GTF2IRD1: variants seen among roughly 807,000 people sequenced by gnomAD.
GTF2IRD1 encodes general transcription factor II-I repeat domain-containing protein 1.
In GTF2IRD1, 26 loss-of-function variants were observed where a neutral mutation model predicts 113.2. The ratio of observed to expected loss-of-function variants is 0.23; its 90% CI spans 0.17 to 0.32. The LOEUF is 0.32. Among genes scored for constraint, GTF2IRD1 ranks in the 10% least tolerant of loss-of-function variants. The probability of loss-of-function intolerance (pLI) is 1.00; values close to 1 mark genes in which losing one functional copy is unlikely to be tolerated. For missense variants in GTF2IRD1, 864 were observed against 1,280.8 expected, an observed-to-expected ratio of 0.67 and a Z score of 4.97; for synonymous variants, 484 against 529.1, an observed-to-expected ratio of 0.91 and a Z score of 1.17.
intron 1 of GTF2IRD1, among the ~76,000 whole-genome samples, chr7:74,461,640 G>A (rs1316070303): frequency 2.6e-5 from 4 of 152,014 alleles, no homozygotes; most frequent in East Asian, 1.9e-4. Context: ...GTGCAGTGGC[G>A]CGATCTCGGC....
chr7:74,568,923 GGGA>G (rs1457911043), intron 22 of GTF2IRD1, among the ~76,000 whole-genome samples: 3 of 152,156 alleles, frequency 2.0e-5, no homozygotes, highest in Admixed American at 1.3e-4. Context: ...ACTGGCCAGA[GGGA>G]GGAGAAGAGG....
intron 17 of GTF2IRD1, among the ~76,000 whole-genome samples, chr7:74,548,358 C>A (rs1799085803): frequency 6.6e-6 from 1 of 150,908 alleles, no homozygotes; most frequent in African/African-American, 2.4e-5. Context: ...GGAGGTGGAG[C>A]TTGCAGTGAG....
In GTF2IRD1 at chr7:74,512,299, C is replaced by G. The variant is rs572153086; in HGVS notation, c.124-531C>G. 6.6e-6 allele frequency among the ~76,000 whole-genome samples: 1 copy of G among 152,292 alleles called. No homozygotes were observed. Among genetic ancestry groups the G allele is most frequent in the South Asian group, 2.1e-4 (1 of 4,824 alleles). On this transcript the variant is annotated intron_variant, in intron 2 of 26. Coordinates refer to ENST00000424337, the MANE Select transcript of GTF2IRD1 (RefSeq NM_005685.4). This position sits in a 1 kb window ranked among gnomAD's most constrained non-coding sequence, Gnocchi z 4.4. ...CCTGGGAGGCAGAGGTTGCAGTGAACCAAGATTGTGCCACTGCACTCCAGC... is the reference window on the plus strand; with the variant it reads ...CCTGGGAGGCAGAGGTTGCAGTGAAGCAAGATTGTGCCACTGCACTCCAGC...
chr7:74,548,922 C>A lies in GTF2IRD1; in HGVS notation c.1916+1636C>A, dbSNP rs141479016. ...GACTCTTCCTCAAAAACAAAAAAAACCAGGGAATGGGAGGATCATATTTCC... is the reference window on the plus strand; with the variant it reads ...GACTCTTCCTCAAAAACAAAAAAAAACAGGGAATGGGAGGATCATATTTCC... On this transcript the variant is annotated intron_variant, in intron 17 of 26. Transcript: ENST00000424337. 3.3e-3 allele frequency among the ~76,000 whole-genome samples: 490 copies of A among 149,958 alleles called. 2 individuals carry two copies. The highest frequency in any genetic ancestry group is 7.3e-3 in the African/African-American group (299 of 40,818).
chr7:74,481,502 A>G (rs1317469581), intron 1 of GTF2IRD1, among the ~76,000 whole-genome samples: 1 of 152,082 alleles, frequency 6.6e-6, no homozygotes, highest in African/African-American at 2.4e-5. Context: ...TTTCTTTCCA[A>G]ATTGTAAAAG....
intron 1 of GTF2IRD1, among the ~76,000 whole-genome samples, chr7:74,469,253 C>T (rs1188737415): frequency 1.3e-5 from 2 of 151,976 alleles, no homozygotes; most frequent in Non-Finnish European, 2.9e-5. Context: ...TTCTGTTCTT[C>T]TCTACCATGT....
At chr7:74,544,924 C>A (rs1583846717) in intron 15 of GTF2IRD1, 122 bp downstream of exon 15, 3 of 716,278 alleles carry the variant, frequency 4.2e-6, no homozygotes, top group Non-Finnish European at 7.2e-6. Context: ...CTCTCCAGCA[C>A]CCTGGTGTGG....
intron 20 of GTF2IRD1, 58 bp downstream of exon 20, chr7:74,557,780 G>C (rs1366007306): frequency 2.8e-5 from 31 of 1,088,160 alleles, no homozygotes; most frequent in East Asian, 2.6e-4. Flanking sequence ...AGAGAAGTGG[G>C]AGGCTTCCCA....
intron 1 of GTF2IRD1, among the ~76,000 whole-genome samples, chr7:74,492,403 C>T: frequency 6.6e-6 from 1 of 152,058 alleles, no homozygotes; most frequent in East Asian, 1.9e-4. Flanking sequence ...ATCTCCTGAC[C>T]TCATGATCTG....
At chr7:74,511,216 G>C (rs549181311) in intron 2 of GTF2IRD1, among the ~76,000 whole-genome samples, 1 of 152,282 alleles carries the variant, frequency 6.6e-6, no homozygotes, top group East Asian at 1.9e-4. Context: ...GGGTGACAAT[G>C]ATATTTGCTT....
At chr7:74,499,365 A>G (rs986558877) in intron 1 of GTF2IRD1, among the ~76,000 whole-genome samples, 17 of 151,450 alleles carry the variant, frequency 1.1e-4, no homozygotes, top group South Asian at 4.2e-4. Context: ...AATGAGTATC[A>G]CCCTGAGGGT....
intron 1 of GTF2IRD1, among the ~76,000 whole-genome samples, chr7:74,491,865 A>G (rs200734501): frequency 6.6e-5 from 10 of 152,246 alleles, no homozygotes; most frequent in East Asian, 3.9e-4. Context: ...GCCGGGTCCA[A>G]TGGTATTTCT....
intron 14 of GTF2IRD1, among the ~76,000 whole-genome samples, chr7:74,543,335 A>G (rs1219575068): frequency 4.0e-5 from 6 of 151,768 alleles, no homozygotes; most frequent in African/African-American, 1.2e-4. Context: ...GAAAATTCTG[A>G]TGGTAGTCAC....
intron 22 of GTF2IRD1, among the ~76,000 whole-genome samples, chr7:74,586,656 T>A (rs1801734894): frequency 1.3e-5 from 2 of 152,196 alleles, no homozygotes; most frequent in Non-Finnish European, 2.9e-5. Flanking sequence ...GCCCAGCCTC[T>A]GTCCTGTGGG....
chr7:74,496,281 CGTGT>C (rs1164938665), intron 1 of GTF2IRD1, among the ~76,000 whole-genome samples: 3 of 109,046 alleles, frequency 2.8e-5, no homozygotes, highest in Admixed American at 1.0e-4. Flanking sequence ...AGTGGGTATG[CGTGT>C]GTATGTGGGT....
At chr7:74,599,845 C>G (rs1469935775) in intron 25 of GTF2IRD1, among the ~76,000 whole-genome samples, 4 of 152,080 alleles carry the variant, frequency 2.6e-5, no homozygotes, top group African/African-American at 4.8e-5. Context: ...TATACCCTCC[C>G]TGGACAACCT....
chr7:74,524,431 T>A (rs1797476844), intron 8 of GTF2IRD1, among the ~76,000 whole-genome samples: 1 of 151,956 alleles, frequency 6.6e-6, no homozygotes, highest in South Asian at 2.1e-4. Flanking sequence ...GGGCAGAGAT[T>A]ACCCATCTGG....
chr7:74,519,774 G>A lies in GTF2IRD1; in HGVS notation c.916+55G>A, dbSNP rs954232431. 5 of 1,277,378 alleles carry A rather than the reference G, an allele frequency of 3.9e-6. No homozygotes were observed. In the East Asian group the frequency reaches 9.5e-5, roughly 24 times the overall value. 79.1% of individuals were successfully genotyped at this position (1,277,378 alleles called of 1,614,324 possible). A position where few individuals can be genotyped will look rare whatever the true frequency, so the allele number is the denominator to read the frequency against. On this transcript the variant is annotated intron_variant, in intron 6 of 26. Coordinates refer to ENST00000424337, the MANE Select transcript of GTF2IRD1 (RefSeq NM_005685.4). Reference sequence around the variant, plus strand: ...AGGGGGTGGGACAGAGGTCACTCATGCAGGGGACAGCCTCCCAGGGCAGGT... The same window carrying A: ...AGGGGGTGGGACAGAGGTCACTCATACAGGGGACAGCCTCCCAGGGCAGGT...
intron 19 of GTF2IRD1, 103 bp from the exon 20 acceptor site, chr7:74,557,536 C>A: frequency 1.4e-6 from 1 of 717,302 alleles, no homozygotes. Context: ...CCTTTAATTG[C>A]CGGAGAAGGA....
Sources: allele counts gnomAD v4.1 joint callset (sites outside exome capture counted in the v4.1 genomes callset), GRCh38; gene constraint gnomAD v4.1.1; non-coding constraint Gnocchi (gnomAD v3.1); transcripts MANE v1.5; gene names NCBI Gene and HGNC (gene_info 2026-07-23, HGNC 2026-07-21).